PITPNC1: variants seen among roughly 807,000 people sequenced by gnomAD.
PITPNC1 encodes phosphatidylinositol transfer protein cytoplasmic 1.
Under a neutral mutation model 44.7 loss-of-function variants are expected in PITPNC1, and 18 were observed. The observed-to-expected ratio is 0.40, with a 90% confidence interval of 0.28 to 0.60. The LOEUF (loss-of-function observed/expected upper bound fraction) is 0.60, where lower values mean the gene tolerates loss of function less well. PITPNC1 is among the 20% of genes least tolerant of loss of function. PITPNC1 has a pLI of 0.39. For synonymous variants in PITPNC1, 141 were observed against 149.6 expected (o/e 0.94, Z 0.42); for missense variants, 290 against 418.4 (o/e 0.69, Z 2.68).
At chr17:67,504,949 T>C (rs2144076903) in intron 1 of PITPNC1, among the ~76,000 whole-genome samples, 1 of 152,370 alleles carries the variant, frequency 6.6e-6, no homozygotes, top group East Asian at 1.9e-4. Flanking sequence ...TCATTTCTAA[T>C]CATCTCAAAT....
chr17:67,380,263 C>T (rs772853958), intron 1 of PITPNC1, among the ~76,000 whole-genome samples: 3 of 151,896 alleles, frequency 2.0e-5, no homozygotes, highest in Admixed American at 1.3e-4. Context: ...TTAGTAGAGA[C>T]GGGGTTTCAC....
At chr17:67,394,898 GA>G (rs112104394) in intron 1 of PITPNC1, among the ~76,000 whole-genome samples, 2,023 of 140,820 alleles carry the variant, frequency 0.014, 26 homozygotes, top group African/African-American at 0.037. Flanking sequence ...CCGTCTCGAG[GA>G]AAAAAAAAAA....
chr17:67,644,549 C>T (rs1356748926), intron 6 of PITPNC1, among the ~76,000 whole-genome samples: 1 of 151,482 alleles, frequency 6.6e-6, no homozygotes, highest in Non-Finnish European at 1.5e-5. Context: ...ATTCTCCTGC[C>T]TCAGCCTCCT....
At chr17:67,586,784 A>T (rs893585736) in intron 5 of PITPNC1, among the ~76,000 whole-genome samples, 1 of 152,092 alleles carries the variant, frequency 6.6e-6, no homozygotes, top group Non-Finnish European at 1.5e-5. Context: ...ACACCCCATT[A>T]CATTGGTTGA....
chr17:67,681,786 A>G (rs2042713490), intron 8 of PITPNC1, among the ~76,000 whole-genome samples: 1 of 152,178 alleles, frequency 6.6e-6, no homozygotes, highest in African/African-American at 2.4e-5. Context: ...AAAATTTAAG[A>G]GTGATTATAT....
chr17:67,611,935 C>A (rs1432193481), intron 5 of PITPNC1: 1 of 152,142 alleles, frequency 6.6e-6, no homozygotes, highest in Non-Finnish European at 1.5e-5. Flanking sequence ...GTAACAACAG[C>A]GAAGACAAGC....
At chr17:67,586,716 G>A (rs1419156703) in intron 5 of PITPNC1, among the ~76,000 whole-genome samples, 1 of 152,164 alleles carries the variant, frequency 6.6e-6, no homozygotes, top group Non-Finnish European at 1.5e-5. Context: ...ACTTCATTCA[G>A]ATTTCACCAG....
chr17:67,619,747 C>T (rs1362556516), intron 5 of PITPNC1, among the ~76,000 whole-genome samples: 1 of 152,094 alleles, frequency 6.6e-6, no homozygotes, highest in Non-Finnish European at 1.5e-5. Flanking sequence ...CCCCCACCCC[C>T]ACCCAGTGCC....
intron 5 of PITPNC1, among the ~76,000 whole-genome samples, chr17:67,631,319 T>C (rs1431207454): frequency 1.3e-5 from 2 of 150,988 alleles, no homozygotes; most frequent in Non-Finnish European, 2.9e-5. Flanking sequence ...ATGTTTTATT[T>C]GTGAAACTAA....
rs549495759 is a variant in PITPNC1, at chr17:67,474,716, T to G, written c.49-58086T>G. Among the ~76,000 whole-genome samples, 84 of 152,268 alleles carry G rather than the reference T, an allele frequency of 5.5e-4. 1 individual carries two copies. Among genetic ancestry groups the G allele is most frequent in the East Asian group, 1.2e-3 (6 of 5,190 alleles). On this transcript the variant is annotated intron_variant, in intron 1 of 8. Transcript: ENST00000581322. ...TTGCCAAGGCTGGAGTGCAGTGGCA[T>G]GATCCATAGCTCATTGCAGCCTTGA...
intron 6 of PITPNC1, among the ~76,000 whole-genome samples, chr17:67,664,335 T>C (rs1480991346): frequency 6.6e-6 from 1 of 152,234 alleles, no homozygotes; most frequent in Non-Finnish European, 1.5e-5. Context: ...CATTCATCAG[T>C]AATGCAGTTG....
intron 1 of PITPNC1, among the ~76,000 whole-genome samples, chr17:67,398,512 G>T (rs2038256562): frequency 6.6e-6 from 1 of 151,884 alleles, no homozygotes. Context: ...GCAGTTGGGT[G>T]TTGTGGAGAA....
intron 6 of PITPNC1, among the ~76,000 whole-genome samples, chr17:67,659,595 A>G (rs550156302): frequency 6.6e-6 from 1 of 152,282 alleles, no homozygotes; most frequent in South Asian, 2.1e-4. Flanking sequence ...AGACCAGTCT[A>G]GATTCAAGGG....
intron 5 of PITPNC1, among the ~76,000 whole-genome samples, chr17:67,608,420 G>A (rs1026859198): frequency 1.3e-5 from 2 of 151,346 alleles, no homozygotes; most frequent in African/African-American, 4.9e-5. Context: ...TCATGTTCCA[G>A]TAGAGGCTCA....
chr17:67,664,157 G>A (rs1271387286), intron 6 of PITPNC1, among the ~76,000 whole-genome samples: 1 of 152,104 alleles, frequency 6.6e-6, no homozygotes, highest in African/African-American at 2.4e-5. Context: ...TAGAGACGGG[G>A]TTTCACCATA....
intron 1 of PITPNC1, among the ~76,000 whole-genome samples, chr17:67,482,159 T>C (rs2039713156): frequency 6.6e-6 from 1 of 152,244 alleles, no homozygotes; most frequent in Non-Finnish European, 1.5e-5. Flanking sequence ...ATTGTAATTC[T>C]TTGTGAAATG....
intron 4 of PITPNC1, among the ~76,000 whole-genome samples, chr17:67,559,141 CA>C (rs2040875291): frequency 6.6e-6 from 1 of 152,198 alleles, no homozygotes; most frequent in South Asian, 2.1e-4. Context: ...CCATTCCTCC[CA>C]AGCCCCGTCT....
At chr17:67,483,241 T>A (rs1030828873) in intron 1 of PITPNC1, among the ~76,000 whole-genome samples, 8 of 152,324 alleles carry the variant, frequency 5.3e-5, no homozygotes, top group Admixed American at 3.3e-4. Flanking sequence ...GAATTTGAAC[T>A]TGTAGCCAAT....
chr17:67,453,372 A>G (rs571225882), intron 1 of PITPNC1, among the ~76,000 whole-genome samples: 1 of 152,294 alleles, frequency 6.6e-6, no homozygotes, highest in South Asian at 2.1e-4. Flanking sequence ...AAATATAGAC[A>G]GAGCAGGAGG....
Sources: gnomAD v4.1 joint callset for allele counts (sites outside exome capture counted in the v4.1 genomes callset) on GRCh38, gnomAD v4.1.1 for gene constraint, MANE v1.5 for transcripts, NCBI Gene and HGNC (gene_info 2026-07-23, HGNC 2026-07-21) for gene names.